The following SGSM1 variants were observed in gnomAD, a reference collection of about 807,000 sequenced individuals.
The protein encoded by SGSM1 is RUN and TBC1 domain containing 2.
A neutral mutation model predicts 133.8 loss-of-function variants in SGSM1; 73 were observed. That is an observed-to-expected ratio of 0.55 (90% CI 0.45 to 0.66). The LOEUF (loss-of-function observed/expected upper bound fraction) is 0.66, where lower values mean the gene tolerates loss of function less well. SGSM1 is among the 30% of genes least tolerant of loss of function. SGSM1 has a pLI of 0.00. For missense variants in SGSM1, 1,213 were observed against 1,448.1 expected (o/e 0.84, Z 2.64); for synonymous variants, 563 against 573.0 (o/e 0.98, Z 0.25).
At chr22:24,900,414 T>TCTCTCTTTCTCTCTTTCTCTCTTTC (rs1484572431) in intron 19 of SGSM1, among the ~76,000 whole-genome samples, 7 of 146,268 alleles carry the variant, frequency 4.8e-5, no homozygotes, top group African/African-American at 1.8e-4. Flanking sequence ...TTTCTGTATT[T>TCTCTCTTTCTCTCTTTCTCTCTTTC]TTGAGACAGA....
chr22:24,837,443 T>C (rs1929495646), intron 2 of SGSM1, among the ~76,000 whole-genome samples: 1 of 151,786 alleles, frequency 6.6e-6, no homozygotes, highest in Non-Finnish European at 1.5e-5. Context: ...AGACTAGGAG[T>C]GTGACCACTG....
chr22:24,874,451 C>T, intron 12 of SGSM1: 1 of 1,613,538 alleles, frequency 6.2e-7, no homozygotes, highest in Non-Finnish European at 8.5e-7. Flanking sequence ...TCCTCCGTCT[C>T]TGTGGGCCCT....
chr22:24,918,411 G>A (rs768950583), intron 23 of SGSM1, among the ~76,000 whole-genome samples: 11 of 150,904 alleles, frequency 7.3e-5, no homozygotes, highest in Middle Eastern at 3.4e-3. Flanking sequence ...CAGGAGAATC[G>A]CTTGATCCTG....
At chr22:24,844,803 T>C in intron 2 of SGSM1, 94 bp from the exon 3 acceptor site, 1 of 1,136,378 alleles carries the variant, frequency 8.8e-7, no homozygotes, top group Non-Finnish European at 1.3e-6. Flanking sequence ...CTGAAAGGCC[T>C]TGTGGGGAGC....
At chr22:24,883,907 G>A (rs1932461933) in intron 14 of SGSM1, 146 bp from the exon 15 acceptor site, 1 of 965,344 alleles carries the variant, frequency 1.0e-6, no homozygotes, top group African/African-American at 1.7e-5. Flanking sequence ...AGTGAGCCAT[G>A]ATAATAATAA....
intron 9 of SGSM1, 129 bp downstream of exon 9, chr22:24,859,969 A>G: frequency 7.4e-7 from 1 of 1,345,562 alleles, no homozygotes. Flanking sequence ...CCTGGTTGTT[A>G]GGACCACTTG....
intron 4 of SGSM1, among the ~76,000 whole-genome samples, chr22:24,849,773 C>T (rs1006625427): frequency 5.3e-5 from 8 of 152,106 alleles, no homozygotes; most frequent in Admixed American, 2.0e-4. Context: ...GGAGGGAACC[C>T]GGAAGAAGCG....
chr22:24,861,831 T>A (rs1381704653), intron 9 of SGSM1, among the ~76,000 whole-genome samples: 5 of 151,884 alleles, frequency 3.3e-5, no homozygotes, highest in South Asian at 2.1e-4. Flanking sequence ...TATTTTTTTT[T>A]AATTTCTATT....
Position 24,924,423 on chromosome 22 carries a change from C to G in SGSM1, c.*149C>G. On this transcript the variant is annotated 3_prime_UTR_variant, in exon 25 of 25. Coordinates refer to ENST00000400358, the MANE Select transcript of SGSM1 (RefSeq NM_001098497.3). ...TCAGTGCGCAAAGAAACTACCCTGA[C>G]TTTTACTTCTGGGCAGATGGGGTGG... is the stretch of plus-strand genomic sequence containing the variant. 1.5e-6 allele frequency: 1 copy of G among 654,458 alleles called. No homozygotes were observed. The highest frequency in any genetic ancestry group is 2.7e-6 in the Non-Finnish European group (1 of 367,908). 40.5% of individuals were successfully genotyped at this position (654,458 alleles called of 1,614,324 possible). A position where few individuals can be genotyped will look rare whatever the true frequency, so the allele number is the denominator to read the frequency against.
intron 2 of SGSM1, among the ~76,000 whole-genome samples, chr22:24,841,421 G>A (rs112765326): frequency 2.0e-5 from 3 of 152,150 alleles, no homozygotes; most frequent in Admixed American, 1.3e-4. Flanking sequence ...GAGAAAAGTG[G>A]GCATCCTGCC....
chr22:24,837,932 A>G (rs1929563610), intron 2 of SGSM1, among the ~76,000 whole-genome samples: 2 of 152,200 alleles, frequency 1.3e-5, no homozygotes, highest in Admixed American at 1.3e-4. Context: ...ATCTGGTATA[A>G]CTATTCTTGT....
At chr22:24,917,210 C>A (rs1416777383) in intron 22 of SGSM1, among the ~76,000 whole-genome samples, 2 of 151,930 alleles carry the variant, frequency 1.3e-5, no homozygotes, top group African/African-American at 2.4e-5. Flanking sequence ...TGGGTATATA[C>A]CTAAGAGTGG....
chr22:24,814,955 C>A (rs1360296030), intron 2 of SGSM1, among the ~76,000 whole-genome samples: 1 of 152,228 alleles, frequency 6.6e-6, no homozygotes, highest in African/African-American at 2.4e-5. Flanking sequence ...GTCCCTCAGC[C>A]TAAGGAGCTC....
intron 2 of SGSM1, among the ~76,000 whole-genome samples, chr22:24,840,769 G>C (rs1182517127): frequency 1.3e-5 from 2 of 152,106 alleles, no homozygotes; most frequent in African/African-American, 4.8e-5. Context: ...AGCATTTCCA[G>C]CTGTAAGTTC....
intron 2 of SGSM1, among the ~76,000 whole-genome samples, chr22:24,817,572 C>T (rs950774662): frequency 1.3e-5 from 2 of 152,070 alleles, no homozygotes; most frequent in Non-Finnish European, 2.9e-5. Flanking sequence ...AGGCTTGTCT[C>T]GAACTACTGA....
chr22:24,844,899 G>A lies in SGSM1; in HGVS notation c.66G>A (p.Val22=), dbSNP rs762845467. ...CTCCGGTCACCTTTGCCTTCCAGGT[G>A]AAGCAGATCATGGAGGAGGCTGTGA... ...QRLLRTVKKE[V]KQIMEEAVTR... Residue 22 remains valine (V), a splice_region_variant and synonymous_variant, in exon 3 of 25, where the codon GTG becomes GTA. Transcript: ENST00000400358. 1 of 1,613,700 alleles carries A rather than the reference G, an allele frequency of 6.2e-7. No individual in the cohort carries two copies. The highest frequency in any genetic ancestry group is 1.1e-5 in the South Asian group (1 of 91,038).
chr22:24,806,234 C>T lies in SGSM1; in HGVS notation c.-92C>T. 1 of 1,297,468 alleles carries T rather than the reference C, an allele frequency of 7.7e-7. No homozygotes were observed. The allele number at this position is 1,297,468 out of a possible 1,614,324, so 80.4% of individuals were successfully genotyped here. A position where few individuals can be genotyped will look rare whatever the true frequency, so the allele number is the denominator to read the frequency against. On this transcript the variant is annotated 5_prime_UTR_variant, in exon 1 of 25. Transcript: ENST00000400358. ...TCACTCAGCGCTCGGCCCCGCCCCG[C>T]CGCGGCTGCAGCAGCAGCGCCGCGG... is the stretch of plus-strand genomic sequence containing the variant.
chr22:24,884,639 G>A (rs1932504915), intron 15 of SGSM1, among the ~76,000 whole-genome samples: 1 of 152,144 alleles, frequency 6.6e-6, no homozygotes, highest in African/African-American at 2.4e-5. Context: ...GTACACCTAA[G>A]ACTAAAGTGA....
intron 18 of SGSM1, among the ~76,000 whole-genome samples, chr22:24,896,612 ATTTTTTGTTTTTTGGTTT>A (rs1169930435): frequency 6.9e-6 from 1 of 144,970 alleles, no homozygotes; most frequent in African/African-American, 2.7e-5. Context: ...GGGTTTTTTT[ATTTTTTGTTTTTTGGTTT>A]TTTTTTTTTT....
Sources: allele counts gnomAD v4.1 joint callset (sites outside exome capture counted in the v4.1 genomes callset), GRCh38; gene constraint gnomAD v4.1.1; transcripts MANE v1.5; gene names NCBI Gene and HGNC (gene_info 2026-07-23, HGNC 2026-07-21).